ZNF469: variants seen among roughly 807,000 people sequenced by gnomAD.
ZNF469 encodes the protein zinc finger protein 469.
A neutral mutation model predicts 1.0 loss-of-function variants in ZNF469; 1 was observed. That is an observed-to-expected ratio of 1.00 (90% confidence interval 0.35 to 4.73). ZNF469 has a LOEUF of 4.73. ZNF469 is among the 30% of genes most tolerant of loss of function. The pLI is 0.16. For missense variants in ZNF469, 6,100 were observed against 5,356.3 expected, an observed-to-expected ratio of 1.14 and a Z score of -4.33; for synonymous variants, 2,703 against 2,363.4, an observed-to-expected ratio of 1.14 and a Z score of -4.17.
At position 88,430,929 on chromosome 16, in the gene ZNF469, G is replaced by A; in HGVS notation, c.3459G>A (p.Ala1153=). The A allele has an allele frequency of 6.5e-7, 1 of 1,536,046 alleles. No individual in the cohort carries two copies. Among genetic ancestry groups the A allele is most frequent in the Non-Finnish European group, 8.7e-7 (1 of 1,145,242 alleles). ...RQEAGGDGAP[A]NPEEPGGSRP... ...AAGCCGGCGGGGACGGAGCCCCCGC[G>A]AACCCCGAGGAGCCGGGCGGGTCTC... Residue 1153 remains alanine (A), a synonymous_variant, in exon 3 of 3, where the codon GCG becomes GCA. Coordinates refer to ENST00000565624, the MANE Select transcript of ZNF469 (RefSeq NM_001367624.2).
Position 88,402,932 on chromosome 16 carries a change from G to GT in ZNF469, c.-192+19678_-192+19679insT, listed in dbSNP as rs565519345. On this transcript the variant is annotated intron_variant, in intron 1 of 2. Coordinates refer to ENST00000565624, the MANE Select transcript of ZNF469 (RefSeq NM_001367624.2). ...GACTCTTTCAGCTGAGAACCCCCAC[G>GT]CCGGGAACAGGAACACCCCATCAAA... Among the ~76,000 whole-genome samples the GT allele has an allele frequency of 2.0e-5, 3 of 152,030 alleles. No individual in the cohort carries two copies. The East Asian group carries it at 5.8e-4, about 29-fold the overall frequency.
chr16:88,118,586 CG>C, the ZNF469 span, among the ~76,000 whole-genome samples: 2 of 152,334 alleles, frequency 1.3e-5, no homozygotes, highest in African/African-American at 4.8e-5. Flanking sequence ...AGGCACACCC[CG>C]GGTGCTCCTG....
chr16:88,195,988 C>G, the ZNF469 span, among the ~76,000 whole-genome samples: 1 of 152,228 alleles, frequency 6.6e-6, no homozygotes, highest in South Asian at 2.1e-4. Flanking sequence ...GAGGAGGCTG[C>G]GTCGTGATCC....
the ZNF469 span, among the ~76,000 whole-genome samples, chr16:88,134,062 C>T: frequency 6.6e-6 from 1 of 152,070 alleles, no homozygotes; most frequent in African/African-American, 2.4e-5. Flanking sequence ...TGTGCCACTG[C>T]ACTCCAGCCT....
chr16:88,434,380 C>G lies in ZNF469; in HGVS notation c.6910C>G (p.Pro2304Ala). The change falls in exon 3 of 3, where the codon CCA becomes GCA. Residue 2304 changes from proline (P) to alanine (A), a missense_variant. Transcript: ENST00000565624. ...GDEAQAGRGL[P>A]GPDPQSRGAP... ...TGAGGCACAGGCAGGCAGGGGACTC[C>G]CAGGGCCAGACCCCCAGAGCAGGGG... The G allele has an allele frequency of 6.5e-7, 1 of 1,550,012 alleles. No individual in the cohort carries two copies. Among genetic ancestry groups the G allele is most frequent in the African/African-American group, 1.4e-5 (1 of 73,154 alleles).
chr16:88,225,679 G>C, the ZNF469 span, among the ~76,000 whole-genome samples: 1 of 152,132 alleles, frequency 6.6e-6, no homozygotes, highest in Admixed American at 6.5e-5. Context: ...TCGTGGGTGG[G>C]ATTGGTGTCC....
chr16:88,229,638 T>C, the ZNF469 span, among the ~76,000 whole-genome samples: 56,226 of 132,382 alleles, frequency 0.42, 12,111 homozygotes, highest in Admixed American at 0.47. Context: ...GGATGTCACG[T>C]GTGTGTGCTG....
chr16:88,110,246 G>A, the ZNF469 span, among the ~76,000 whole-genome samples: 1 of 152,198 alleles, frequency 6.6e-6, no homozygotes. Flanking sequence ...CAGACCCCCG[G>A]GGGGCCGCCT....
the ZNF469 span, among the ~76,000 whole-genome samples, chr16:88,146,047 C>T: frequency 9.8e-5 from 15 of 152,348 alleles, no homozygotes; most frequent in East Asian, 5.8e-4. Context: ...CATCCAACAC[C>T]GCCTCCCTCC....
chr16:88,110,286 G>A, the ZNF469 span, among the ~76,000 whole-genome samples: 2 of 152,346 alleles, frequency 1.3e-5, no homozygotes, highest in Admixed American at 6.5e-5. Context: ...AGGCTGGGGC[G>A]GGCCCTGAGG....
Position 88,438,960 on chromosome 16 carries a change from TGTGGG to T in ZNF469, c.11492_11496del (p.Val3831GlufsTer10), listed in dbSNP as rs1274188874. ...TCCCAGGGCCAGCCAGGAGTGAAAG[TGTGGG>T]GAGCTTCGGGAGAGCCCCCTCAGCC... On this transcript the variant is annotated frameshift_variant, in exon 3 of 3. Transcript: ENST00000565624. LOFTEE classifies it low-confidence loss of function (END_TRUNC). 5.8e-6 allele frequency: 9 copies of T among 1,550,166 alleles called. No individual in the cohort carries two copies. Among genetic ancestry groups the T allele is most frequent in the Admixed American group, 2.0e-5 (1 of 50,984 alleles).
chr16:88,401,885 T>C (rs1228476907), intron 1 of ZNF469, among the ~76,000 whole-genome samples: 2 of 145,708 alleles, frequency 1.4e-5, no homozygotes, highest in Non-Finnish European at 3.0e-5. Flanking sequence ...GATAGATGGG[T>C]GAGTGGGTGA....
the ZNF469 span, among the ~76,000 whole-genome samples, chr16:88,296,507 G>C: frequency 7.0e-6 from 1 of 143,528 alleles, no homozygotes; most frequent in Non-Finnish European, 1.5e-5. Flanking sequence ...TCACAGACAA[G>C]CTCACCCTCC....
chr16:88,396,718 GAAGGGAGGCCGGGAGGAGACCCTCATA>G (rs1904681373), intron 1 of ZNF469, among the ~76,000 whole-genome samples: 3 of 149,758 alleles, frequency 2.0e-5, no homozygotes, highest in Admixed American at 1.3e-4. Context: ...AAACCCTCCT[GAAGGGAGGCCGGGAGGAGACCCTCATA>G]AAGGGAGGCC....
chr16:88,326,384 G>A, the ZNF469 span, among the ~76,000 whole-genome samples: 52 of 152,338 alleles, frequency 3.4e-4, no homozygotes, highest in East Asian at 8.7e-3. Context: ...ACGTGGAACT[G>A]TAAGTCCATT....
the ZNF469 span, among the ~76,000 whole-genome samples, chr16:88,143,695 GA>G: frequency 6.6e-6 from 1 of 152,248 alleles, no homozygotes; most frequent in Non-Finnish European, 1.5e-5. Context: ...CAGCTTGTCA[GA>G]AACATCACAC....
At chr16:88,186,943 C>T in the ZNF469 span, among the ~76,000 whole-genome samples, 2 of 152,070 alleles carry the variant, frequency 1.3e-5, no homozygotes, top group Admixed American at 1.3e-4. Flanking sequence ...ACGCTCAACA[C>T]ACCCTGCCCC....
chr16:88,279,472 T>G, the ZNF469 span, among the ~76,000 whole-genome samples: 1 of 148,548 alleles, frequency 6.7e-6, no homozygotes, highest in East Asian at 2.0e-4. Flanking sequence ...ACGCCGACGC[T>G]CGGTCAGTAC....
chr16:88,162,672 C>A, the ZNF469 span, among the ~76,000 whole-genome samples: 1 of 147,540 alleles, frequency 6.8e-6, no homozygotes, highest in African/African-American at 2.5e-5. Context: ...TTTTTAGTGC[C>A]CCCCCCCTTT....
Sources: gnomAD v4.1 joint callset for allele counts (sites outside exome capture counted in the v4.1 genomes callset) on GRCh38, gnomAD v4.1.1 for gene constraint, MANE v1.5 for transcripts, NCBI Gene and HGNC (gene_info 2026-07-23, HGNC 2026-07-21) for gene names.